Variants in NLN observed in about 807,000 individuals in gnomAD.
The protein encoded by NLN is neurolysin, also known as neurolysin, mitochondrial.
In NLN, 64 loss-of-function variants were observed where a neutral mutation model predicts 79.9. That is an observed-to-expected ratio of 0.80 (90% confidence interval 0.65 to 0.99). The LOEUF (loss-of-function observed/expected upper bound fraction) is 0.99. Among genes scored for constraint, NLN ranks in the 50% least tolerant of loss-of-function variants. The pLI, the probability that NLN is intolerant of heterozygous loss-of-function variation, is 0.00. For missense variants in NLN, 835 were observed against 858.7 expected, an observed-to-expected ratio of 0.97 and a Z score of 0.34; for synonymous variants, 267 against 296.6, an observed-to-expected ratio of 0.90 and a Z score of 1.02.
At chr5:65,754,520 T>G (rs879253093) in intron 1 of NLN, among the ~76,000 whole-genome samples, 1 of 152,216 alleles carries the variant, frequency 6.6e-6, no homozygotes, top group East Asian at 1.9e-4. Flanking sequence ...TCTAACCATC[T>G]ACTGCACTGA....
intron 3 of NLN, among the ~76,000 whole-genome samples, chr5:65,769,881 C>T (rs1334242866): frequency 6.6e-6 from 1 of 152,188 alleles, no homozygotes; most frequent in East Asian, 1.9e-4. Context: ...CTATTTTGCA[C>T]CTCTGGCAGA....
At chr5:65,750,407 G>A (rs1209883033) in intron 1 of NLN, among the ~76,000 whole-genome samples, 1 of 152,240 alleles carries the variant, frequency 6.6e-6, no homozygotes, top group African/African-American at 2.4e-5. Context: ...AGAAAGAAAT[G>A]GACTGAGTAC....
At chr5:65,749,066 A>G (rs943026553) in intron 1 of NLN, among the ~76,000 whole-genome samples, 1 of 152,186 alleles carries the variant, frequency 6.6e-6, no homozygotes, top group Non-Finnish European at 1.5e-5. Context: ...GCCTGCTGCC[A>G]TGTAAGATGT....
chr5:65,775,736 C>G (rs898320901), intron 3 of NLN, among the ~76,000 whole-genome samples: 2 of 152,342 alleles, frequency 1.3e-5, no homozygotes, highest in East Asian at 3.9e-4. Flanking sequence ...TCTCCCTGGC[C>G]ATTGTGGGTT....
At chr5:65,797,634 T>C (rs568783639) in intron 9 of NLN, among the ~76,000 whole-genome samples, 29 of 152,308 alleles carry the variant, frequency 1.9e-4, no homozygotes, top group Admixed American at 3.3e-4. Context: ...CCCTGGACGA[T>C]TGGGAGAATT....
At chr5:65,729,437 C>T (rs796502803) in intron 1 of NLN, among the ~76,000 whole-genome samples, 5 of 142,422 alleles carry the variant, frequency 3.5e-5, no homozygotes, top group African/African-American at 7.9e-5. Flanking sequence ...TGCAGTGGCA[C>T]GATCTTGGAT....
chr5:65,730,851 C>T (rs1256277654), intron 1 of NLN, among the ~76,000 whole-genome samples: 1 of 152,212 alleles, frequency 6.6e-6, no homozygotes, highest in Non-Finnish European at 1.5e-5. Flanking sequence ...CGTGCCTGGC[C>T]TGTACTCACC....
At chr5:65,821,998 A>G (rs947066351) in intron 12 of NLN, among the ~76,000 whole-genome samples, 1 of 152,208 alleles carries the variant, frequency 6.6e-6, no homozygotes, top group African/African-American at 2.4e-5. Flanking sequence ...TACTCTGTGA[A>G]TTGTTTATTA....
At chr5:65,780,336 C>T (rs1371428620) in intron 5 of NLN, 55 bp downstream of exon 5, 4 of 665,884 alleles carry the variant, frequency 6.0e-6, no homozygotes, top group South Asian at 1.9e-5. Context: ...AATAGTGTTA[C>T]CTCACAGTTT....
chr5:65,820,080 T>A (rs1394840243), intron 12 of NLN, among the ~76,000 whole-genome samples: 3 of 152,214 alleles, frequency 2.0e-5, no homozygotes, highest in African/African-American at 7.2e-5. Flanking sequence ...AGCTGTCTCT[T>A]TATAACACCA....
At chr5:65,788,038 A>G (rs6862580) in intron 7 of NLN, 80 bp from the exon 8 acceptor site, 263,917 of 1,390,274 alleles carry the variant, frequency 0.19, 28,247 homozygotes, top group South Asian at 0.44. Context: ...AGGAAGCACC[A>G]TGCTAAAACA....
intron 3 of NLN, among the ~76,000 whole-genome samples, chr5:65,768,592 A>G (rs1759503651): frequency 6.6e-6 from 1 of 152,214 alleles, no homozygotes; most frequent in African/African-American, 2.4e-5. Flanking sequence ...AATACCATAG[A>G]CTGAATCCTT....
At chr5:65,737,465 G>A (rs1280471410) in intron 1 of NLN, among the ~76,000 whole-genome samples, 2 of 151,958 alleles carry the variant, frequency 1.3e-5, no homozygotes, top group African/African-American at 4.8e-5. Flanking sequence ...GAAATCAGCA[G>A]CCTATTTTTT....
intron 1 of NLN, among the ~76,000 whole-genome samples, chr5:65,754,968 C>T (rs556447156): frequency 6.6e-6 from 1 of 152,198 alleles, no homozygotes; most frequent in Non-Finnish European, 1.5e-5. Flanking sequence ...TTTATCCAAA[C>T]TAGACTCTTG....
chr5:65,797,986 T>C lies in NLN; in HGVS notation c.1527+5331T>C, dbSNP rs1270529114. On this transcript the variant is annotated intron_variant, in intron 9 of 12. Coordinates refer to ENST00000380985, the MANE Select transcript of NLN (RefSeq NM_020726.5). ...GTAACAGAAAGAGCAGCTTGGAGTA[T>C]TGGGAGTGATGGAGGATTAGCTGAA... 2.6e-5 allele frequency among the ~76,000 whole-genome samples: 4 copies of C among 152,284 alleles called. No individual in the cohort carries two copies. In the East Asian group the frequency reaches 5.8e-4, roughly 22 times the overall value.
At chr5:65,793,871 G>A (rs374597172) in intron 9 of NLN, among the ~76,000 whole-genome samples, 6 of 152,092 alleles carry the variant, frequency 3.9e-5, no homozygotes, top group Admixed American at 2.0e-4. Context: ...CATTCCAATA[G>A]CACATTTGTC....
intron 3 of NLN, among the ~76,000 whole-genome samples, chr5:65,766,604 T>C (rs763032726): frequency 1.3e-5 from 2 of 152,212 alleles, no homozygotes; most frequent in Non-Finnish European, 2.9e-5. Flanking sequence ...ACAAATCTCA[T>C]GTCCTTTTCA....
intron 12 of NLN, among the ~76,000 whole-genome samples, chr5:65,816,984 G>A (rs185988142): frequency 6.6e-6 from 1 of 152,238 alleles, no homozygotes; most frequent in East Asian, 1.9e-4. Flanking sequence ...AGAGAAGACT[G>A]TGTCCAGGCC....
intron 1 of NLN, 124 bp downstream of exon 1, chr5:65,722,538 C>T: frequency 2.2e-6 from 2 of 893,302 alleles, no homozygotes; most frequent in South Asian, 1.6e-5. Flanking sequence ...GACGCACCCT[C>T]CCCGCGGCTT....
Sources: gnomAD v4.1 joint callset for allele counts (sites outside exome capture counted in the v4.1 genomes callset) on GRCh38, gnomAD v4.1.1 for gene constraint, MANE v1.5 for transcripts, NCBI Gene and HGNC (gene_info 2026-07-23, HGNC 2026-07-21) for gene names.